The following ADK variants were observed in gnomAD, a reference collection of about 807,000 sequenced individuals.
ADK encodes the protein adenosine kinase.
ADK carries 24 observed loss-of-function variants against 44.7 expected under a neutral mutation model. That is an observed-to-expected ratio of 0.54 (90% CI 0.39 to 0.76). The LOEUF (loss-of-function observed/expected upper bound fraction) is 0.76, where lower values mean the gene tolerates loss of function less well. Among genes scored for constraint, ADK ranks in the 30% least tolerant of loss-of-function variants. The pLI, the probability that ADK is intolerant of heterozygous loss-of-function variation, is 0.00. For synonymous variants in ADK, 128 were observed against 142.6 expected, an observed-to-expected ratio of 0.90 and a Z score of 0.73; for missense variants, 321 against 425.1, an observed-to-expected ratio of 0.76 and a Z score of 2.15.
chr10:74,182,454 C>T (rs529643507), intron 1 of ADK, among the ~76,000 whole-genome samples: 4 of 152,010 alleles, frequency 2.6e-5, no homozygotes, highest in Non-Finnish European at 2.9e-5. Flanking sequence ...CTGCAACCTC[C>T]GCCTCCCGGG....
At chr10:74,320,087 A>G (rs1840759009) in intron 4 of ADK, among the ~76,000 whole-genome samples, 1 of 152,156 alleles carries the variant, frequency 6.6e-6, no homozygotes, top group Non-Finnish European at 1.5e-5. Flanking sequence ...GCTTCTGGTT[A>G]CTATCAAATG....
At chr10:74,696,742 A>T (rs923417114) in intron 10 of ADK, among the ~76,000 whole-genome samples, 2 of 151,708 alleles carry the variant, frequency 1.3e-5, no homozygotes, top group African/African-American at 4.8e-5. Context: ...CTTTTTCCAC[A>T]TTTTCTGCAG....
intron 6 of ADK, among the ~76,000 whole-genome samples, chr10:74,455,580 G>T (rs1845915512): frequency 6.6e-6 from 1 of 152,036 alleles, no homozygotes; most frequent in Admixed American, 6.6e-5. Flanking sequence ...CATGATCTCG[G>T]CTCAGTGCAA....
chr10:74,302,059 T>A (rs911773615), intron 3 of ADK, among the ~76,000 whole-genome samples: 3 of 150,590 alleles, frequency 2.0e-5, no homozygotes, highest in African/African-American at 7.4e-5. Context: ...TACCTTTTTT[T>A]AAAGCTTATT....
At position 74,702,524 on chromosome 10, in the gene ADK, T is replaced by TTCCTTCCTTCC. The variant is rs1589382755; in HGVS notation, c.965-5796_965-5795insCCTTCCTTCCT. ...TTGCTCAGTCTGTCTTCCTTCCTTC[T>TTCCTTCCTTCC]TTCCTTCCTTCCTTCCTTCCTTCCT... On this transcript the variant is annotated intron_variant, in intron 10 of 10. Coordinates refer to ENST00000539909, the MANE Select transcript of ADK (RefSeq NM_006721.4). Among the ~76,000 whole-genome samples, 138 of 120,886 alleles carry TTCCTTCCTTCC rather than the reference T, an allele frequency of 1.1e-3. 1 individual carries two copies. Among genetic ancestry groups the TTCCTTCCTTCC allele is most frequent in the African/African-American group, 4.2e-3 (132 of 31,668 alleles). 79.3% of individuals were successfully genotyped at this position (120,886 alleles called of 152,430 possible).
At chr10:74,676,291 G>A (rs1855387514) in intron 10 of ADK, among the ~76,000 whole-genome samples, 1 of 152,058 alleles carries the variant, frequency 6.6e-6, no homozygotes, top group East Asian at 1.9e-4. Flanking sequence ...CATCACGCCT[G>A]GCTAATTTTT....
At chr10:74,654,393 G>C (rs1255983266) in intron 9 of ADK, among the ~76,000 whole-genome samples, 2 of 152,156 alleles carry the variant, frequency 1.3e-5, no homozygotes, top group Non-Finnish European at 2.9e-5. Context: ...AGAGTCCATG[G>C]TCTCTTTATA....
intron 6 of ADK, among the ~76,000 whole-genome samples, chr10:74,499,990 T>C (rs1008492606): frequency 2.0e-5 from 3 of 152,122 alleles, no homozygotes; most frequent in African/African-American, 7.2e-5. Flanking sequence ...TGAGCTTGGG[T>C]GAGTTAAACA....
chr10:74,307,692 T>TA (rs761541578), intron 3 of ADK, among the ~76,000 whole-genome samples: 31 of 152,216 alleles, frequency 2.0e-4, no homozygotes, highest in Non-Finnish European at 2.1e-4. Context: ...ATTAGCTAGT[T>TA]ATTGCTTAAC....
chr10:74,559,821 G>T (rs984835346), intron 7 of ADK, among the ~76,000 whole-genome samples: 1 of 147,418 alleles, frequency 6.8e-6, no homozygotes. Flanking sequence ...TTTTTCTTTT[G>T]GTTGGTTCAA....
chr10:74,186,717 T>C (rs1395166141), intron 1 of ADK, among the ~76,000 whole-genome samples: 2 of 152,234 alleles, frequency 1.3e-5, no homozygotes, highest in African/African-American at 4.8e-5. Flanking sequence ...AATGGAATCA[T>C]ACAGCAAGGA....
chr10:74,445,699 C>T (rs1408271417), intron 6 of ADK, among the ~76,000 whole-genome samples: 2 of 152,028 alleles, frequency 1.3e-5, no homozygotes, highest in African/African-American at 4.8e-5. Flanking sequence ...CATTTAACCT[C>T]TCTTAACCTT....
chr10:74,600,375 A>G lies in ADK; in HGVS notation c.763-4A>G. On this transcript the variant is annotated splice_polypyrimidine_tract_variant and splice_region_variant and intron_variant, in intron 8 of 10. Coordinates refer to ENST00000539909, the MANE Select transcript of ADK (RefSeq NM_006721.4). ...GAGAATTTTTTCCTTCCTTCTATTA[A>G]TAGACTAAAGACATTAAAGAGATAG... is the stretch of plus-strand genomic sequence containing the variant. 1 of 1,598,568 alleles carries G rather than the reference A, an allele frequency of 6.3e-7. No homozygotes were observed. Among genetic ancestry groups the G allele is most frequent in the Non-Finnish European group, 8.6e-7 (1 of 1,169,004 alleles).
At chr10:74,323,223 T>C (rs187262294) in intron 4 of ADK, among the ~76,000 whole-genome samples, 4 of 152,346 alleles carry the variant, frequency 2.6e-5, no homozygotes, top group African/African-American at 9.6e-5. Context: ...TTTTTGGTCC[T>C]ATGGATGGTA....
At chr10:74,346,482 T>G (rs191142637) in intron 4 of ADK, among the ~76,000 whole-genome samples, 13 of 152,362 alleles carry the variant, frequency 8.5e-5, no homozygotes, top group Admixed American at 3.9e-4. Context: ...ACATTTCTTA[T>G]ATTTTGATTT....
At chr10:74,320,966 C>CA (rs145074206) in intron 4 of ADK, among the ~76,000 whole-genome samples, 49 of 152,178 alleles carry the variant, frequency 3.2e-4, no homozygotes, top group African/African-American at 1.1e-3. Flanking sequence ...GACAGTTTTC[C>CA]TTGGTGCCTA....
At chr10:74,305,357 G>T (rs1452227486) in intron 3 of ADK, among the ~76,000 whole-genome samples, 1 of 152,168 alleles carries the variant, frequency 6.6e-6, no homozygotes, top group African/African-American at 2.4e-5. Flanking sequence ...CTACCCTGAT[G>T]ACTCTACTAT....
rs578170746 is a variant in ADK, at chr10:74,543,757, C to G, written c.726+18331C>G. ...TAAAATTCTAGCTTTATTTCAAATA[C>G]TTAGTTGAACCAGCCAATTCATTTT... On this transcript the variant is annotated intron_variant, in intron 7 of 10. Transcript: ENST00000539909. Among the ~76,000 whole-genome samples, 4 of 152,242 alleles carry G rather than the reference C, an allele frequency of 2.6e-5. No individual in the cohort carries two copies. In the East Asian group the frequency reaches 7.7e-4, roughly 29 times the overall value.
In ADK at chr10:74,221,107, A is replaced by T. The variant is rs1194246764; in HGVS notation, c.141-3431A>T. Among the ~76,000 whole-genome samples, 48 of 148,898 alleles carry T rather than the reference A, an allele frequency of 3.2e-4. 2 individuals carry two copies. Among genetic ancestry groups the T allele is most frequent in the African/African-American group, 1.2e-3 (47 of 39,886 alleles). On this transcript the variant is annotated intron_variant, in intron 2 of 10. Coordinates refer to ENST00000539909, the MANE Select transcript of ADK (RefSeq NM_006721.4). ...CCCTGTTTGCAGACGACATGATTGT[A>T]TATCTAGAAAACCCCATTGTCTCAG...
Sources: allele counts gnomAD v4.1 joint callset (sites outside exome capture counted in the v4.1 genomes callset), GRCh38; gene constraint gnomAD v4.1.1; transcripts MANE v1.5; gene names NCBI Gene and HGNC (gene_info 2026-07-23, HGNC 2026-07-21).